Variants in CFAP53 observed in about 807,000 individuals in gnomAD.
The protein encoded by CFAP53 is cilia- and flagella-associated protein 53.
In CFAP53, 62 loss-of-function variants were observed where a neutral mutation model predicts 59.7. The ratio of observed to expected loss-of-function variants is 1.04; its 90% CI spans 0.85 to 1.28. The LOEUF is 1.28. CFAP53 is among the 50% of genes most tolerant of loss of function. The pLI is 0.00. For missense variants in CFAP53, 629 were observed against 615.6 expected (o/e 1.02, Z -0.23); for synonymous variants, 218 against 205.7 (o/e 1.06, Z -0.51).
intron 1 of CFAP53, among the ~76,000 whole-genome samples, chr18:50,265,282 C>T (rs966055952): frequency 1.3e-5 from 2 of 152,070 alleles, no homozygotes; most frequent in African/African-American, 4.8e-5. Context: ...GGGTCACAGT[C>T]AAAACACAAG....
intron 3 of CFAP53, among the ~76,000 whole-genome samples, chr18:50,252,190 A>G (rs1599127105): frequency 1.3e-5 from 2 of 151,518 alleles, no homozygotes; most frequent in Middle Eastern, 3.2e-3. Flanking sequence ...TGTAAGCTCT[A>G]CCTCTCGGGT....
intron 7 of CFAP53, among the ~76,000 whole-genome samples, chr18:50,236,303 G>A (rs4564686): frequency 0.29 from 43,982 of 151,612 alleles, 6,744 homozygotes; most frequent in African/African-American, 0.38. Flanking sequence ...ACTTTCTCTA[G>A]TTAATCTGCC....
intron 7 of CFAP53, among the ~76,000 whole-genome samples, chr18:50,234,151 T>C (rs1356886359): frequency 6.6e-6 from 1 of 152,212 alleles, no homozygotes; most frequent in Non-Finnish European, 1.5e-5. Flanking sequence ...GGAAGCTATA[T>C]GACAACAATG....
At chr18:50,234,097 C>G (rs545396952) in intron 7 of CFAP53, among the ~76,000 whole-genome samples, 1 of 152,256 alleles carries the variant, frequency 6.6e-6, no homozygotes, top group South Asian at 2.1e-4. Flanking sequence ...TAACATAAGC[C>G]CATTGTAATT....
At position 50,240,873 on chromosome 18, in the gene CFAP53, C is replaced by T. The variant is rs112391101; in HGVS notation, c.1213+2027G>A. Among the ~76,000 whole-genome samples the T allele has an allele frequency of 8.5e-5, 13 of 152,264 alleles. No homozygotes were observed. The East Asian group carries it at 9.6e-4, about 11-fold the overall frequency. ...CCCTAACAAGAAATGTGTTTATTGC[C>T]GCTCTGGTCCATTGGGCTGGACATG... On this transcript the variant is annotated intron_variant, in intron 6 of 7. Coordinates refer to ENST00000398545, the MANE Select transcript of CFAP53 (RefSeq NM_145020.5).
intron 7 of CFAP53, among the ~76,000 whole-genome samples, chr18:50,227,955 C>CATT (rs2033541924): frequency 2.2e-5 from 2 of 90,096 alleles, no homozygotes; most frequent in African/African-American, 8.8e-5. Context: ...AACTTTTCTC[C>CATT]TTTTTTTTTT....
intron 3 of CFAP53, among the ~76,000 whole-genome samples, chr18:50,257,330 T>G (rs1394958196): frequency 6.6e-6 from 1 of 152,132 alleles, no homozygotes; most frequent in East Asian, 1.9e-4. Context: ...GAAGTCAAAT[T>G]ATCCTTGTTT....
chr18:50,233,619 T>G (rs1425440638), intron 7 of CFAP53, among the ~76,000 whole-genome samples: 1 of 152,272 alleles, frequency 6.6e-6, no homozygotes, highest in Non-Finnish European at 1.5e-5. Context: ...CTGAGTTTAC[T>G]ACATATTGTC....
chr18:50,250,817 G>A lies in CFAP53; in HGVS notation c.937C>T (p.Leu313Phe). 3 of 1,614,160 alleles carry A rather than the reference G, an allele frequency of 1.9e-6. No individual in the cohort carries two copies. The highest frequency in any genetic ancestry group is 2.5e-6 in the Non-Finnish European group (3 of 1,180,024). The change falls in exon 5 of 8, where the codon CTC becomes TTC. Residue 313 changes from leucine to phenylalanine, a missense_variant. Physicochemically the swap from Leu to Phe is conservative, Grantham distance 22. Coordinates refer to ENST00000398545, the MANE Select transcript of CFAP53 (RefSeq NM_145020.5). ...YRDEQDLNMK[L>F]VQRALQDLQE... is the part of the protein sequence containing the mutation. ...AAGTCTTGAAGGGCCCTTTGCACGA[G>A]CTTCATGTTCAAGTCCTGTTCGTCT...
Position 50,266,347 on chromosome 18 carries a change from C to T in CFAP53, c.58G>A (p.Val20Met). 4.3e-6 allele frequency: 7 copies of T among 1,614,258 alleles called. No homozygotes were observed. Among genetic ancestry groups the T allele is most frequent in the Non-Finnish European group, 5.9e-6 (7 of 1,180,034 alleles). ...TATCCTGTGCTTACCACGATCACCA[C>T]TTTGGGGGTGGGGCCCTTAACCTCC... is the stretch of plus-strand genomic sequence containing the variant. ...QREVKGPTPK[V>M]VIVRSKPPKG... Residue 20 changes from valine to methionine, a missense_variant, in exon 1 of 8, where the codon GTG becomes ATG. Val to Met is a conservative substitution (Grantham distance 21). Coordinates refer to ENST00000398545, the MANE Select transcript of CFAP53 (RefSeq NM_145020.5).
chr18:50,261,958 C>T (rs752198192), intron 2 of CFAP53, 32 bp downstream of exon 2: 1 of 1,547,380 alleles, frequency 6.5e-7, no homozygotes, highest in East Asian at 2.3e-5. Flanking sequence ...AGGAATATTT[C>T]ATGGTTTATG....
chr18:50,238,037 T>C (rs1202571808), intron 7 of CFAP53, among the ~76,000 whole-genome samples: 4 of 152,226 alleles, frequency 2.6e-5, no homozygotes, highest in Non-Finnish European at 5.9e-5. Flanking sequence ...AAATTTATTT[T>C]ATTTTTAAAG....
Position 50,261,133 on chromosome 18 carries a change from T to C in CFAP53, c.404A>G (p.Lys135Arg), listed in dbSNP as rs1797959927. 6.3e-7 allele frequency: 1 copy of C among 1,599,610 alleles called. No individual in the cohort carries two copies. The highest frequency in any genetic ancestry group is 8.5e-7 in the Non-Finnish European group (1 of 1,176,314). ...EKKDRMREKT[K>R]LLKEKNEKER... ...TTTTTCATTCTTCTCTTTTAGTAATTTAGTTTTCTCTCTCATCCTATCTTT... is the reference window on the plus strand; with the variant it reads ...TTTTTCATTCTTCTCTTTTAGTAATCTAGTTTTCTCTCTCATCCTATCTTT... The change falls in exon 3 of 8, where the codon AAA (lysine) becomes AGA (arginine). Residue 135 changes from lysine to arginine, a missense_variant. Physicochemically the swap from Lys to Arg is conservative, Grantham distance 26. Transcript: ENST00000398545.
At chr18:50,253,160 G>A (rs937351614) in intron 3 of CFAP53, among the ~76,000 whole-genome samples, 1 of 152,150 alleles carries the variant, frequency 6.6e-6, no homozygotes. Context: ...GGGACCACAG[G>A]CGCCCACCAC....
At chr18:50,242,675 T>A (rs1037308602) in intron 6 of CFAP53, among the ~76,000 whole-genome samples, 1 of 152,224 alleles carries the variant, frequency 6.6e-6, no homozygotes, top group African/African-American at 2.4e-5. Flanking sequence ...AATGATGTAC[T>A]GTTCCTTTAA....
At chr18:50,248,129 T>TAAAAAAAAAAAA (rs60474914) in intron 5 of CFAP53, among the ~76,000 whole-genome samples, 1 of 135,002 alleles carries the variant, frequency 7.4e-6, no homozygotes. Context: ...CAACAAAAAT[T>TAAAAAAAAAAAA]AAAAAAAAAA....
At chr18:50,244,690 T>C (rs1436237150) in intron 5 of CFAP53, among the ~76,000 whole-genome samples, 1 of 152,048 alleles carries the variant, frequency 6.6e-6, no homozygotes, top group African/African-American at 2.4e-5. Context: ...GACAGCCCAC[T>C]TGAAGGGACT....
intron 5 of CFAP53, among the ~76,000 whole-genome samples, chr18:50,248,028 G>C (rs1005512663): frequency 2.0e-5 from 3 of 151,432 alleles, no homozygotes; most frequent in African/African-American, 4.9e-5. Flanking sequence ...AAGTCAATTA[G>C]ATAATGGACA....
chr18:50,264,231 T>C (rs1035471565), intron 1 of CFAP53, among the ~76,000 whole-genome samples: 1 of 152,186 alleles, frequency 6.6e-6, no homozygotes, highest in Non-Finnish European at 1.5e-5. Flanking sequence ...CATGCTAAAG[T>C]CAGGAAAACA....
Sources: gnomAD v4.1 joint callset for allele counts (sites outside exome capture counted in the v4.1 genomes callset) on GRCh38, gnomAD v4.1.1 for gene constraint, MANE v1.5 for transcripts, NCBI Gene and HGNC (gene_info 2026-07-23, HGNC 2026-07-21) for gene names.